The following ANXA4 variants were observed in gnomAD, a reference collection of about 807,000 sequenced individuals.
ANXA4 encodes annexin A4.
A neutral mutation model predicts 49.8 loss-of-function variants in ANXA4; 39 were observed. The ratio of observed to expected loss-of-function variants is 0.78; its 90% CI spans 0.61 to 1.02. The LOEUF is 1.02. ANXA4 is among the 50% of genes least tolerant of loss of function. The probability of loss-of-function intolerance (pLI) is 0.00; values close to 1 mark genes in which losing one functional copy is unlikely to be tolerated. For missense variants in ANXA4, 360 were observed against 410.1 expected (o/e 0.88, Z 1.05); for synonymous variants, 134 against 152.5 (o/e 0.88, Z 0.89).
chr2:69,807,704 GA>G (rs1253433516), intron 5 of ANXA4, among the ~76,000 whole-genome samples: 9 of 152,182 alleles, frequency 5.9e-5, no homozygotes, highest in Non-Finnish European at 4.4e-5. Context: ...AAACAGCCTA[GA>G]AATGTTTGTT....
intron 1 of ANXA4, among the ~76,000 whole-genome samples, chr2:69,777,501 G>A (rs1672007176): frequency 6.6e-6 from 1 of 152,110 alleles, no homozygotes; most frequent in African/African-American, 2.4e-5. Context: ...CACCCTTATT[G>A]TTCTTATCGC....
chr2:69,790,399 C>T (rs769527299), intron 3 of ANXA4, among the ~76,000 whole-genome samples: 7 of 152,052 alleles, frequency 4.6e-5, no homozygotes, highest in African/African-American at 1.2e-4. Flanking sequence ...GTTTCATTTT[C>T]GGCTCCATTT....
intron 2 of ANXA4, among the ~76,000 whole-genome samples, chr2:69,681,466 G>A (rs1250061772): frequency 2.0e-5 from 3 of 150,978 alleles, no homozygotes; most frequent in Non-Finnish European, 2.9e-5. Context: ...CTAGATTCAA[G>A]CAATTCTCCT....
At chr2:69,763,625 T>C (rs1328078060) in intron 1 of ANXA4, among the ~76,000 whole-genome samples, 2 of 152,204 alleles carry the variant, frequency 1.3e-5, no homozygotes, top group South Asian at 4.1e-4. Context: ...ATATTATTTT[T>C]AATTTTTAAA....
intron 2 of ANXA4, among the ~76,000 whole-genome samples, chr2:69,715,988 G>T (rs1343486815): frequency 6.6e-6 from 1 of 152,186 alleles, no homozygotes; most frequent in Non-Finnish European, 1.5e-5. Context: ...CACCAGCCAG[G>T]CTACTCTTAG....
intron 2 of ANXA4, among the ~76,000 whole-genome samples, chr2:69,694,047 T>TGGAACA (rs1678070534): frequency 6.6e-6 from 1 of 152,128 alleles, no homozygotes; most frequent in Non-Finnish European, 1.5e-5. Context: ...TTCCAACGTA[T>TGGAACA]CTGATTATCA....
chr2:69,781,099 C>G (rs572495237), intron 1 of ANXA4: 23 of 169,798 alleles, frequency 1.4e-4, no homozygotes, highest in South Asian at 8.9e-4. Flanking sequence ...CACACAGATG[C>G]ACACACAGAG....
chr2:69,750,208 T>A (rs1670782028), intron 1 of ANXA4, among the ~76,000 whole-genome samples: 1 of 86,860 alleles, frequency 1.2e-5, no homozygotes, highest in Admixed American at 1.2e-4. Context: ...TGTATAATTA[T>A]CAGATTTCCA....
chr2:69,751,158 T>G (rs4852988), intron 1 of ANXA4, among the ~76,000 whole-genome samples: 91,700 of 151,920 alleles, frequency 0.6, 29,523 homozygotes, highest in African/African-American at 0.82. Context: ...ACTGACGAGC[T>G]TCACAGCCAG....
At chr2:69,693,672 C>T (rs1007889964) in intron 2 of ANXA4, among the ~76,000 whole-genome samples, 1 of 152,104 alleles carries the variant, frequency 6.6e-6, no homozygotes, top group African/African-American at 2.4e-5. Context: ...GAAGCAGGCA[C>T]AAAGTAGGTT....
intron 2 of ANXA4, among the ~76,000 whole-genome samples, chr2:69,671,020 C>A (rs1677160106): frequency 2.0e-5 from 2 of 101,110 alleles, no homozygotes; most frequent in African/African-American, 4.1e-5. Flanking sequence ...AGTCAGACTC[C>A]ATCTCAAAAA....
At chr2:69,718,852 A>G (rs1411110493) in intron 2 of ANXA4, among the ~76,000 whole-genome samples, 2 of 152,206 alleles carry the variant, frequency 1.3e-5, no homozygotes, top group East Asian at 3.9e-4. Flanking sequence ...ACACACATAC[A>G]TGCATACACA....
At chr2:69,807,729 G>A (rs1408270419) in intron 5 of ANXA4, among the ~76,000 whole-genome samples, 177 bp from the exon 6 acceptor site, 1 of 152,176 alleles carries the variant, frequency 6.6e-6, no homozygotes, top group Non-Finnish European at 1.5e-5. Context: ...ACTCATAATT[G>A]TTACGGCAAA....
chr2:69,765,314 C>T (rs1180372863), intron 1 of ANXA4, among the ~76,000 whole-genome samples: 8 of 152,162 alleles, frequency 5.3e-5, no homozygotes, highest in Admixed American at 1.3e-4. Flanking sequence ...ACTGTTTTTA[C>T]GGTGGCTGTA....
At position 69,810,733 on chromosome 2, in the gene ANXA4, G is replaced by A. The variant is rs368743102; in HGVS notation, c.477+60G>A. ...TCGAAATGTCCACTCTATCCCCTTT[G>A]CCAGCCTTTCTCATCCTTTCAGCCC... On this transcript the variant is annotated intron_variant, in intron 7 of 12. Transcript: ENST00000394295. The A allele has an allele frequency of 5.7e-6, 8 of 1,399,354 alleles. No individual in the cohort carries two copies. The African/African-American group carries it at 9.9e-5, about 17-fold the overall frequency. 86.7% of individuals were successfully genotyped at this position (1,399,354 alleles called of 1,614,324 possible).
At chr2:69,766,515 G>T (rs1447221216) in intron 1 of ANXA4, among the ~76,000 whole-genome samples, 1 of 152,210 alleles carries the variant, frequency 6.6e-6, no homozygotes, top group East Asian at 1.9e-4. Flanking sequence ...AACCCAGGTG[G>T]TTGTGCTCCA....
rs1674450142 is a variant in ANXA4 at position 69,825,901 on chromosome 2, A to C, written c.*386A>C. The C allele has an allele frequency of 6.4e-6, 1 of 156,636 alleles. No homozygotes were observed. The highest frequency in any genetic ancestry group is 2.4e-5 in the African/African-American group (1 of 41,576). 9.7% of individuals were successfully genotyped at this position (156,636 alleles called of 1,614,324 possible). ...CTAAAATCACTTTTTTCCCTAATCCAATTTTTAGAGTGGCTAGTAGTTTCT... is the reference window on the plus strand; with the variant it reads ...CTAAAATCACTTTTTTCCCTAATCCCATTTTTAGAGTGGCTAGTAGTTTCT... On this transcript the variant is annotated 3_prime_UTR_variant, in exon 13 of 13. Transcript: ENST00000394295.
rs745990537 is a variant in ANXA4 at position 69,804,560 on chromosome 2, T to C, written c.125T>C (p.Val42Ala). 1 of 1,613,916 alleles carries C rather than the reference T, an allele frequency of 6.2e-7. No homozygotes were observed. The highest frequency in any genetic ancestry group is 8.5e-7 in the Non-Finnish European group (1 of 1,179,928). Residue 42 changes from valine (V) to alanine (A), a missense_variant, in exon 4 of 13, where the codon GTC becomes GCC. Physicochemically the swap from Val to Ala is moderately conservative, Grantham distance 64 (BLOSUM62 0). Transcript: ENST00000394295. ...ACCGATGAAGACGCCATTATTAGCG[T>C]CCTTGCCTACCGCAACACCGCCCAG... ...LGTDEDAIIS[V>A]LAYRNTAQRQ...
At chr2:69,698,117 G>T (rs1453684198) in intron 2 of ANXA4, among the ~76,000 whole-genome samples, 3 of 152,158 alleles carry the variant, frequency 2.0e-5, no homozygotes, top group Non-Finnish European at 4.4e-5. Flanking sequence ...CTGCTTTCTG[G>T]TTCATAGTTG....
Sources: gnomAD v4.1 joint callset for allele counts (sites outside exome capture counted in the v4.1 genomes callset) on GRCh38, gnomAD v4.1.1 for gene constraint, MANE v1.5 for transcripts, NCBI Gene and HGNC (gene_info 2026-07-23, HGNC 2026-07-21) for gene names.